The following NEK11 variants were observed in gnomAD, a reference collection of about 807,000 sequenced individuals.
NEK11 encodes the protein NIMA related kinase 11.
In NEK11, 72 loss-of-function variants were observed where a neutral mutation model predicts 80.7. That is an observed-to-expected ratio of 0.89 (90% CI 0.74 to 1.08). The LOEUF (loss-of-function observed/expected upper bound fraction) is 1.08. NEK11 is among the 50% of genes least tolerant of loss of function. NEK11 has a pLI of 0.00. For synonymous variants in NEK11, 251 were observed against 260.7 expected (o/e 0.96, Z 0.36); for missense variants, 764 against 763.6 (o/e 1.00, Z -0.01).
chr3:131,287,021 T>C (rs1189316556), intron 17 of NEK11, among the ~76,000 whole-genome samples: 4 of 152,246 alleles, frequency 2.6e-5, no homozygotes, highest in African/African-American at 7.2e-5. Context: ...TTAGAAAAAC[T>C]GGAAGAATAT....
At chr3:131,055,938 C>T (rs2069389851) in intron 3 of NEK11, among the ~76,000 whole-genome samples, 1 of 152,106 alleles carries the variant, frequency 6.6e-6, no homozygotes. Context: ...TTTCCAGTAG[C>T]AGGATACAGT....
At chr3:131,217,600 T>C (rs2094885513) in intron 14 of NEK11, among the ~76,000 whole-genome samples, 1 of 152,172 alleles carries the variant, frequency 6.6e-6, no homozygotes, top group Non-Finnish European at 1.5e-5. Flanking sequence ...ACATTTATGC[T>C]AAGTTTCGGG....
intron 17 of NEK11, among the ~76,000 whole-genome samples, chr3:131,309,256 G>A (rs1418634897): frequency 3.9e-5 from 6 of 152,176 alleles, no homozygotes; most frequent in African/African-American, 1.4e-4. Context: ...TCTAACTGCT[G>A]TGGTCCTGGG....
intron 14 of NEK11, among the ~76,000 whole-genome samples, chr3:131,228,227 A>G (rs1217291379): frequency 6.6e-6 from 1 of 152,176 alleles, no homozygotes; most frequent in Non-Finnish European, 1.5e-5. Flanking sequence ...TTTAATAAGG[A>G]TTCATGCCTC....
chr3:131,120,498 G>T (rs902121235), intron 5 of NEK11, among the ~76,000 whole-genome samples: 1 of 152,076 alleles, frequency 6.6e-6, no homozygotes, highest in African/African-American at 2.4e-5. Context: ...GGCATTCTCT[G>T]TGTTTCCCGA....
chr3:131,256,927 G>T (rs1056278795), intron 16 of NEK11, among the ~76,000 whole-genome samples: 1 of 152,180 alleles, frequency 6.6e-6, no homozygotes, highest in African/African-American at 2.4e-5. Flanking sequence ...CCTGGATGTG[G>T]CTGATGTTCC....
intron 5 of NEK11, among the ~76,000 whole-genome samples, chr3:131,113,095 T>C (rs2080398500): frequency 6.6e-6 from 1 of 152,148 alleles, no homozygotes; most frequent in South Asian, 2.1e-4. Context: ...TGAGGAAAGA[T>C]GAGAATGAAC....
chr3:131,181,329 C>G (rs539288296), intron 14 of NEK11, among the ~76,000 whole-genome samples: 1 of 152,276 alleles, frequency 6.6e-6, no homozygotes, highest in East Asian at 1.9e-4. Context: ...CCTTTAGAAG[C>G]TAGAAAAGGG....
At chr3:131,125,241 A>T (rs557636802) in intron 5 of NEK11, among the ~76,000 whole-genome samples, 42 of 152,280 alleles carry the variant, frequency 2.8e-4, no homozygotes, top group Non-Finnish European at 5.0e-4. Context: ...TATGATCTTT[A>T]TGAGTGACTT....
chr3:131,264,543 G>C (rs2096007400), intron 16 of NEK11, among the ~76,000 whole-genome samples: 1 of 152,166 alleles, frequency 6.6e-6, no homozygotes, highest in South Asian at 2.1e-4. Flanking sequence ...TATTATTTCT[G>C]AGGGCTCTGT....
rs869304359 is a variant in NEK11, at chr3:131,272,463, C to CTTTTTTTTTTTTTTTTTTTTTTTT, written c.1622-1008_1622-985dup. Among the ~76,000 whole-genome samples, 10 of 43,900 alleles carry CTTTTTTTTTTTTTTTTTTTTTTTT rather than the reference C, an allele frequency of 2.3e-4. 2 individuals are homozygous for CTTTTTTTTTTTTTTTTTTTTTTTT. In the East Asian group the frequency reaches 2.8e-3, roughly 12 times the overall value. 28.8% of individuals were successfully genotyped at this position (43,900 alleles called of 152,430 possible). ...CTTGCTAATGGGCCAGTTTTAGCTT[C>CTTTTTTTTTTTTTTTTTTTTTTTT]TTTTTTTTTTTTTTTTTTTTTTTTT... On this transcript the variant is annotated intron_variant, in intron 16 of 17. Coordinates refer to ENST00000383366, the MANE Select transcript of NEK11 (RefSeq NM_024800.5).
intron 14 of NEK11, among the ~76,000 whole-genome samples, chr3:131,179,544 A>G (rs999280318): frequency 2.0e-5 from 3 of 152,344 alleles, no homozygotes; most frequent in Admixed American, 1.3e-4. Context: ...ATTTTATATA[A>G]TATGGGAACA....
At chr3:131,087,344 A>G (rs945697719) in intron 4 of NEK11, among the ~76,000 whole-genome samples, 12 of 150,662 alleles carry the variant, frequency 8.0e-5, no homozygotes. Context: ...CCCAGGTTCA[A>G]GCAATTCTCC....
At chr3:131,143,743 C>T (rs2087499233) in intron 7 of NEK11, among the ~76,000 whole-genome samples, 1 of 151,126 alleles carries the variant, frequency 6.6e-6, no homozygotes, top group Admixed American at 6.6e-5. Context: ...ACTATTACTT[C>T]AAGCAGCCCA....
chr3:131,262,850 C>T (rs1326027753), intron 16 of NEK11, among the ~76,000 whole-genome samples: 46 of 137,818 alleles, frequency 3.3e-4, no homozygotes, highest in Middle Eastern at 5.1e-3. Context: ...TGTGTGATGT[C>T]CCCCTCCCTA....
At chr3:131,181,522 A>G (rs527799446) in intron 14 of NEK11, among the ~76,000 whole-genome samples, 67 of 152,228 alleles carry the variant, frequency 4.4e-4, no homozygotes, top group South Asian at 4.3e-3. Context: ...CAAGGCGGGC[A>G]GATCACAAGG....
intron 17 of NEK11, among the ~76,000 whole-genome samples, chr3:131,317,248 G>A (rs889267002): frequency 3.9e-5 from 6 of 152,274 alleles, no homozygotes; most frequent in South Asian, 4.2e-4. Flanking sequence ...GAAGGACTCT[G>A]TGACAGAGCT....
chr3:131,288,191 A>G (rs982032094), intron 17 of NEK11, among the ~76,000 whole-genome samples: 17 of 152,158 alleles, frequency 1.1e-4, no homozygotes, highest in Admixed American at 7.2e-4. Flanking sequence ...GTTGATTTCA[A>G]TTAAGGATAT....
intron 17 of NEK11, among the ~76,000 whole-genome samples, chr3:131,301,275 T>A (rs1227652147): frequency 6.6e-6 from 1 of 152,168 alleles, no homozygotes; most frequent in Non-Finnish European, 1.5e-5. Context: ...TAGGAGCTTT[T>A]GAATAGAGAT....
Sources: allele counts gnomAD v4.1 joint callset (sites outside exome capture counted in the v4.1 genomes callset), GRCh38; gene constraint gnomAD v4.1.1; transcripts MANE v1.5; gene names NCBI Gene and HGNC (gene_info 2026-07-23, HGNC 2026-07-21).